The following IRF2 variants were observed in gnomAD, a reference collection of about 807,000 sequenced individuals.
IRF2 encodes interferon regulatory factor 2.
In IRF2, 15 loss-of-function variants were observed where a neutral mutation model predicts 40.6. That is an observed-to-expected ratio of 0.37 (90% CI 0.25 to 0.57). The LOEUF is 0.57. IRF2 is among the 20% of genes least tolerant of loss of function. The pLI is 0.77. For synonymous variants in IRF2, 151 were observed against 165.5 expected (o/e 0.91, Z 0.67); for missense variants, 317 against 455.7 (o/e 0.70, Z 2.77).
intron 1 of IRF2, among the ~76,000 whole-genome samples, chr4:184,458,124 C>T (rs1325289509): frequency 6.6e-6 from 1 of 152,224 alleles, no homozygotes; most frequent in Non-Finnish European, 1.5e-5. Context: ...TCCCTCCTTC[C>T]GGCCAGTCAG....
intron 5 of IRF2, among the ~76,000 whole-genome samples, chr4:184,416,693 G>A (rs934343350): frequency 6.6e-6 from 1 of 152,086 alleles, no homozygotes; most frequent in Non-Finnish European, 1.5e-5. Context: ...GAAATGCTAT[G>A]AGGTTTGGAA....
chr4:184,429,406 T>C (rs967395050), intron 1 of IRF2, among the ~76,000 whole-genome samples: 1 of 152,130 alleles, frequency 6.6e-6, no homozygotes, highest in Non-Finnish European at 1.5e-5. Flanking sequence ...GAGGCTTCCG[T>C]TGCTCAGAGG....
At chr4:184,394,578 G>A (rs11947285) in intron 7 of IRF2, among the ~76,000 whole-genome samples, 3,569 of 152,280 alleles carry the variant, frequency 0.023, 144 homozygotes, top group African/African-American at 0.082. Context: ...CAAGCCTGGT[G>A]TGGTTTCCCG....
At chr4:184,411,024 C>T (rs945105871) in intron 5 of IRF2, among the ~76,000 whole-genome samples, 7 of 151,812 alleles carry the variant, frequency 4.6e-5, no homozygotes, top group Admixed American at 3.3e-4. Flanking sequence ...GAGACTGAGA[C>T]ACTCTTTTGA....
intron 1 of IRF2, among the ~76,000 whole-genome samples, chr4:184,460,655 A>ACG (rs1400580346): frequency 1.5e-5 from 2 of 134,902 alleles, no homozygotes; most frequent in African/African-American, 2.6e-5. Context: ...ACACACACAC[A>ACG]CATGCACGCG....
At chr4:184,396,323 C>T (rs559117574) in intron 7 of IRF2, among the ~76,000 whole-genome samples, 20 of 152,250 alleles carry the variant, frequency 1.3e-4, no homozygotes, top group South Asian at 1.2e-3. Context: ...CGTTAAGGAC[C>T]GGCCTTTGGC....
At chr4:184,403,719 G>T (rs970233306) in intron 6 of IRF2, among the ~76,000 whole-genome samples, 1 of 152,202 alleles carries the variant, frequency 6.6e-6, no homozygotes, top group Non-Finnish European at 1.5e-5. Context: ...GTTACTGAGG[G>T]CTTTCTTAGC....
chr4:184,462,852 A>G (rs935838202), intron 1 of IRF2, among the ~76,000 whole-genome samples: 1 of 152,226 alleles, frequency 6.6e-6, no homozygotes, highest in Non-Finnish European at 1.5e-5. Flanking sequence ...GATCTGTGCC[A>G]CCCTTCCTGA....
chr4:184,418,072 C>A, intron 5 of IRF2, 95 bp downstream of exon 5: 1 of 882,590 alleles, frequency 1.1e-6, no homozygotes, highest in East Asian at 2.4e-5. Flanking sequence ...AGAAAGAGGA[C>A]ACACTGAGGT....
intron 4 of IRF2, 115 bp downstream of exon 4, chr4:184,418,417 C>G: frequency 9.5e-7 from 1 of 1,053,990 alleles, no homozygotes; most frequent in South Asian, 1.4e-5. Flanking sequence ...TGATCCCCTA[C>G]AGCATGAACA....
intron 1 of IRF2, among the ~76,000 whole-genome samples, chr4:184,439,615 A>G (rs1436175868): frequency 6.6e-6 from 1 of 152,202 alleles, no homozygotes; most frequent in Non-Finnish European, 1.5e-5. Flanking sequence ...GCTTTCAAAT[A>G]CCACAAAACT....
intron 1 of IRF2, among the ~76,000 whole-genome samples, chr4:184,468,737 G>A (rs1270115725): frequency 6.6e-6 from 1 of 152,206 alleles, no homozygotes; most frequent in African/African-American, 2.4e-5. Flanking sequence ...GGAGGCTGGG[G>A]AGCAGGGATC....
At chr4:184,451,114 T>A (rs563152896) in intron 1 of IRF2, among the ~76,000 whole-genome samples, 1 of 152,338 alleles carries the variant, frequency 6.6e-6, no homozygotes, top group African/African-American at 2.4e-5. Flanking sequence ...ACTGAACTGT[T>A]TAGATTCCAT....
chr4:184,464,605 T>C (rs1398815127), intron 1 of IRF2, among the ~76,000 whole-genome samples: 2 of 152,180 alleles, frequency 1.3e-5, no homozygotes, highest in Non-Finnish European at 2.9e-5. Flanking sequence ...CATTAAATGC[T>C]CTTTTCCAAA....
At chr4:184,464,479 G>A (rs186413683) in intron 1 of IRF2, among the ~76,000 whole-genome samples, 1 of 152,272 alleles carries the variant, frequency 6.6e-6, no homozygotes, top group Admixed American at 6.5e-5. Context: ...GAATGTACAG[G>A]ACATGAAGAT....
intron 4 of IRF2, 98 bp downstream of exon 4, chr4:184,418,434 T>C (rs1737358249): frequency 8.3e-7 from 1 of 1,200,076 alleles, no homozygotes; most frequent in Non-Finnish European, 1.2e-6. Flanking sequence ...AACAGGCTAT[T>C]CTACCTGCAA....
chr4:184,417,889 G>T (rs62337750), intron 5 of IRF2, among the ~76,000 whole-genome samples: 9,928 of 152,288 alleles, frequency 0.065, 429 homozygotes, highest in Middle Eastern at 0.11. Flanking sequence ...ACTGGCAACG[G>T]CTGTGGTGGC....
At chr4:184,407,076 G>T in intron 6 of IRF2, 1 of 593,122 alleles carries the variant, frequency 1.7e-6, no homozygotes. Flanking sequence ...AAACACAACA[G>T]GGTTATAGAG....
chr4:184,430,146 C>T (rs933134418), intron 1 of IRF2, among the ~76,000 whole-genome samples: 3 of 152,160 alleles, frequency 2.0e-5, no homozygotes, highest in Non-Finnish European at 2.9e-5. Flanking sequence ...GGGCTGATGT[C>T]TCAATAACTC....
Sources: allele counts gnomAD v4.1 joint callset (sites outside exome capture counted in the v4.1 genomes callset), GRCh38; gene constraint gnomAD v4.1.1; transcripts MANE v1.5; gene names NCBI Gene and HGNC (gene_info 2026-07-23, HGNC 2026-07-21).